Variants in FKBP3 observed in about 807,000 individuals in gnomAD.
FKBP3 encodes peptidyl-prolyl cis-trans isomerase FKBP3.
A neutral mutation model predicts 30.6 loss-of-function variants in FKBP3; 21 were observed. That is an observed-to-expected ratio of 0.69 (90% confidence interval 0.49 to 0.99). The LOEUF (loss-of-function observed/expected upper bound fraction) is 0.99, where lower values mean the gene tolerates loss of function less well. FKBP3 is among the 50% of genes least tolerant of loss of function. The pLI is 0.00. For synonymous variants in FKBP3, 82 were observed against 91.3 expected, an observed-to-expected ratio of 0.90 and a Z score of 0.58; for missense variants, 283 against 261.6, an observed-to-expected ratio of 1.08 and a Z score of -0.56.
At chr14:45,125,136 G>A (rs538089084) in intron 3 of FKBP3, among the ~76,000 whole-genome samples, 1 of 152,162 alleles carries the variant, frequency 6.6e-6, no homozygotes, top group Admixed American at 6.5e-5. Flanking sequence ...GGCTGGTCTC[G>A]AATTCCTGAC....
chr14:45,120,771 C>T, intron 5 of FKBP3, 116 bp downstream of exon 5: 2 of 801,192 alleles, frequency 2.5e-6, no homozygotes, highest in African/African-American at 1.7e-5. Context: ...CCCAATCTGT[C>T]AGACTCCAAA....
At chr14:45,117,688 C>A (rs977200209) in intron 6 of FKBP3, among the ~76,000 whole-genome samples, 2 of 152,134 alleles carry the variant, frequency 1.3e-5, no homozygotes, top group Non-Finnish European at 2.9e-5. Flanking sequence ...ATATTTGCAT[C>A]GTAGTTTGCT....
At chr14:45,134,013 C>CCA (rs1885292995) in intron 1 of FKBP3, among the ~76,000 whole-genome samples, 1 of 152,244 alleles carries the variant, frequency 6.6e-6, no homozygotes, top group South Asian at 2.1e-4. Flanking sequence ...CTCATCCACA[C>CCA]CACTATTCCT....
chr14:45,129,839 A>C lies in FKBP3; in HGVS notation c.273T>G (p.Asn91Lys). 1 of 1,613,186 alleles carries C rather than the reference A, an allele frequency of 6.2e-7. No homozygotes were observed. The highest frequency in any genetic ancestry group is 8.5e-7 in the Non-Finnish European group (1 of 1,179,516). The change falls in exon 3 of 7, where the codon AAT (asparagine) becomes AAG (lysine). Residue 91 changes from asparagine to lysine, a missense_variant. Asn to Lys is a moderately conservative substitution (Grantham distance 94). Coordinates refer to ENST00000396062, the MANE Select transcript of FKBP3 (RefSeq NM_002013.4). ...VSEQVKNVKLNEDKPKETKSE... is the reference protein window; with the variant it reads ...VSEQVKNVKLKEDKPKETKSE... ...ACTTGGTTTCTTTGGGTTTATCTTC[A>C]TTAAGCTTCACATTTTTTACTTGCT... is the stretch of plus-strand genomic sequence containing the variant.
At chr14:45,124,122 C>T (rs558733052) in intron 3 of FKBP3, among the ~76,000 whole-genome samples, 2 of 152,120 alleles carry the variant, frequency 1.3e-5, no homozygotes, top group East Asian at 1.9e-4. Context: ...TGTCCAAAGG[C>T]CTAAACCATG....
chr14:45,128,961 A>G (rs1885158845), intron 3 of FKBP3, among the ~76,000 whole-genome samples: 1 of 152,256 alleles, frequency 6.6e-6, no homozygotes, highest in African/African-American at 2.4e-5. Context: ...GATAAACTTT[A>G]AAACTGCTTT....
Position 45,116,341 on chromosome 14 carries a change from C to T in FKBP3, c.621-89G>A, listed in dbSNP as rs903284086. 4.1e-5 allele frequency: 36 copies of T among 874,902 alleles called. No homozygotes were observed. In the Admixed American group the frequency reaches 6.2e-4, roughly 15 times the overall value. The allele number at this position is 874,902 out of a possible 1,614,324, so 54.2% of individuals were successfully genotyped here. A position where few individuals can be genotyped will look rare whatever the true frequency, so the allele number is the denominator to read the frequency against. ...GTAGGATAGGCTGACTAGATAGGCT[C>T]ACTAGATAAATTGAGCTTGGACTAG... On this transcript the variant is annotated intron_variant, in intron 6 of 6. Coordinates refer to ENST00000396062, the MANE Select transcript of FKBP3 (RefSeq NM_002013.4).
chr14:45,131,450 G>A (rs1885211639), intron 1 of FKBP3, among the ~76,000 whole-genome samples: 1 of 151,852 alleles, frequency 6.6e-6, no homozygotes, highest in African/African-American at 2.4e-5. Flanking sequence ...TGGCCAACGT[G>A]ACAAAACCCC....
At chr14:45,133,327 C>A in intron 1 of FKBP3, 2 of 301,890 alleles carry the variant, frequency 6.6e-6, no homozygotes, top group Non-Finnish European at 1.4e-5. Context: ...ATTAACCTGG[C>A]GTGGTGGCAC....
intron 1 of FKBP3, 35 bp downstream of exon 1, chr14:45,134,314 C>A: frequency 6.6e-7 from 1 of 1,523,666 alleles, no homozygotes; most frequent in Non-Finnish European, 9.1e-7. Flanking sequence ...CGTCCCTCAG[C>A]CGCACCAGCC....
intron 3 of FKBP3, among the ~76,000 whole-genome samples, chr14:45,128,662 A>G (rs1367783878): frequency 6.6e-6 from 1 of 152,230 alleles, no homozygotes; most frequent in Non-Finnish European, 1.5e-5. Context: ...AAACAGTCAC[A>G]GTACATAAAT....
At position 45,117,422 on chromosome 14, in the gene FKBP3, C is replaced by CTT. The variant is rs374178231; in HGVS notation, c.620+604_620+605dup. Among the ~76,000 whole-genome samples the CTT allele has an allele frequency of 2.9e-3, 435 of 152,330 alleles. 2 individuals carry two copies. The highest frequency in any genetic ancestry group is 0.01 in the African/African-American group (421 of 41,574). On this transcript the variant is annotated intron_variant, in intron 6 of 6. Transcript: ENST00000396062. ...GAATGGAACCAACAAAAGCCATAAA[C>CTT]TTACCTTCCCTCTTACCTATTGGAT...
At chr14:45,121,031 A>T in intron 4 of FKBP3, 77 bp from the exon 5 acceptor site, 6 of 1,174,932 alleles carry the variant, frequency 5.1e-6, no homozygotes, top group Non-Finnish European at 6.2e-6. Flanking sequence ...AAATTATTAA[A>T]TTCCAGTGGA....
chr14:45,129,726 A>G (rs928313818), intron 3 of FKBP3, 68 bp downstream of exon 3: 2 of 1,007,250 alleles, frequency 2.0e-6, no homozygotes, highest in Non-Finnish European at 2.8e-6. Context: ...AGTTAGTGCA[A>G]ATAATAAAGA....
chr14:45,126,361 G>T (rs753190164), intron 3 of FKBP3, among the ~76,000 whole-genome samples: 1 of 151,960 alleles, frequency 6.6e-6, no homozygotes, highest in African/African-American at 2.4e-5. Context: ...TGTGGTGTGC[G>T]CCTGTAATCC....
chr14:45,131,130 CAGG>C (rs1411342534), intron 1 of FKBP3: 1 of 173,622 alleles, frequency 5.8e-6, no homozygotes, highest in East Asian at 1.6e-4. Flanking sequence ...CTGCTCACTG[CAGG>C]AGGATACTTG....
At position 45,118,175 on chromosome 14, in the gene FKBP3, T is replaced by C. The variant is rs199966179; in HGVS notation, c.523-50A>G. ...CTAATGGTATTTTGCAAAAAGCACA[T>C]GCAATACCAGGACAGTCAAGACAAG... On this transcript the variant is annotated intron_variant, in intron 5 of 6. Coordinates refer to ENST00000396062, the MANE Select transcript of FKBP3 (RefSeq NM_002013.4). 17 of 1,091,064 alleles carry C rather than the reference T, an allele frequency of 1.6e-5. 1 individual carries two copies. The highest frequency in any genetic ancestry group is 1.3e-4 in the African/African-American group (8 of 63,056). 67.6% of individuals were successfully genotyped at this position (1,091,064 alleles called of 1,614,324 possible). A position where few individuals can be genotyped will look rare whatever the true frequency, so the allele number is the denominator to read the frequency against.
At chr14:45,122,166 G>A (rs568823301) in intron 3 of FKBP3, among the ~76,000 whole-genome samples, 35 of 152,206 alleles carry the variant, frequency 2.3e-4, no homozygotes, top group African/African-American at 7.7e-4. Context: ...CTAGAACAAA[G>A]TAGGATTATC....
intron 3 of FKBP3, among the ~76,000 whole-genome samples, chr14:45,121,893 A>C (rs769072766): frequency 6.6e-6 from 1 of 152,232 alleles, no homozygotes; most frequent in Non-Finnish European, 1.5e-5. Flanking sequence ...CCAAACCATA[A>C]CATGATTTCA....
Sources: allele counts gnomAD v4.1 joint callset (sites outside exome capture counted in the v4.1 genomes callset), GRCh38; gene constraint gnomAD v4.1.1; transcripts MANE v1.5; gene names NCBI Gene and HGNC (gene_info 2026-07-23, HGNC 2026-07-21).